TCF7L2: variants seen among roughly 807,000 people sequenced by gnomAD.
TCF7L2 encodes the protein transcription factor 7 like 2, also known as transcription factor 7-like 2.
Under a neutral mutation model 77.9 loss-of-function variants are expected in TCF7L2, and 23 were observed. The ratio of observed to expected loss-of-function variants is 0.30; its 90% CI spans 0.21 to 0.42. The LOEUF is 0.42. Ranked by LOEUF, TCF7L2 falls within the 10% of genes least tolerant of loss-of-function variation. The probability of loss-of-function intolerance (pLI) is 1.00; values close to 1 mark genes in which losing one functional copy is unlikely to be tolerated. For synonymous variants in TCF7L2, 413 were observed against 340.2 expected (o/e 1.21, Z -2.36); for missense variants, 654 against 793.1 (o/e 0.82, Z 2.11).
intron 3 of TCF7L2, among the ~76,000 whole-genome samples, chr10:112,953,464 C>T (rs763422353): frequency 6.6e-6 from 1 of 152,150 alleles, no homozygotes; most frequent in Non-Finnish European, 1.5e-5. Context: ...TGTTCGCCTA[C>T]CAATAAACCG....
intron 4 of TCF7L2, among the ~76,000 whole-genome samples, chr10:112,965,331 G>A (rs1212877491): frequency 1.3e-5 from 2 of 152,170 alleles, no homozygotes; most frequent in Admixed American, 1.3e-4. Context: ...GAGCTGAACT[G>A]ATGCCAGCAG....
intron 3 of TCF7L2, among the ~76,000 whole-genome samples, chr10:112,957,237 G>T (rs1401284037): frequency 5.0e-5 from 2 of 39,932 alleles, no homozygotes; most frequent in African/African-American, 9.5e-5. Flanking sequence ...TGCCTATATT[G>T]TGCATTTTCC....
At chr10:113,160,859 C>T (rs1032393124) in intron 13 of TCF7L2, among the ~76,000 whole-genome samples, 1 of 152,222 alleles carries the variant, frequency 6.6e-6, no homozygotes, top group Non-Finnish European at 1.5e-5. Context: ...GCCATTTCCT[C>T]TCCCCACTTT....
At chr10:113,043,249 G>A (rs1025649588) in intron 5 of TCF7L2, among the ~76,000 whole-genome samples, 1 of 152,202 alleles carries the variant, frequency 6.6e-6, no homozygotes, top group Non-Finnish European at 1.5e-5. Context: ...GAATCTTCAC[G>A]TGGGAATTCA....
intron 4 of TCF7L2, among the ~76,000 whole-genome samples, chr10:113,003,454 G>T (rs1166835115): frequency 6.6e-6 from 1 of 152,120 alleles, no homozygotes; most frequent in African/African-American, 2.4e-5. Flanking sequence ...GTTGGGCTTG[G>T]ATCCCTCCCA....
chr10:113,115,531 A>T (rs1169769881), intron 5 of TCF7L2, among the ~76,000 whole-genome samples: 4 of 151,870 alleles, frequency 2.6e-5, no homozygotes, highest in South Asian at 2.1e-4. Context: ...GGTTATTCTA[A>T]TTTTTTTTCC....
intron 5 of TCF7L2, among the ~76,000 whole-genome samples, chr10:113,093,780 A>G (rs1433472704): frequency 1.3e-5 from 2 of 152,258 alleles, no homozygotes; most frequent in African/African-American, 4.8e-5. Context: ...TAGTGACAAT[A>G]ATAGGGTGTG....
At chr10:113,148,390 G>T (rs921698694) in intron 8 of TCF7L2, among the ~76,000 whole-genome samples, 1 of 152,156 alleles carries the variant, frequency 6.6e-6, no homozygotes, top group Non-Finnish European at 1.5e-5. Flanking sequence ...AATAAGGCAG[G>T]AAGAGATGAA....
intron 13 of TCF7L2, among the ~76,000 whole-genome samples, chr10:113,165,013 C>T (rs541589369): frequency 3.3e-5 from 5 of 152,132 alleles, no homozygotes; most frequent in Admixed American, 6.5e-5. Flanking sequence ...TGATACGAGG[C>T]GGCTGGGGAA....
intron 3 of TCF7L2, among the ~76,000 whole-genome samples, chr10:112,962,095 A>G (rs1307980983): frequency 6.6e-5 from 10 of 152,176 alleles, no homozygotes. Context: ...TGAAAATTGA[A>G]TTTGGATTAA....
At chr10:112,992,106 A>G (rs747849334) in intron 4 of TCF7L2, among the ~76,000 whole-genome samples, 1 of 152,166 alleles carries the variant, frequency 6.6e-6, no homozygotes, top group Non-Finnish European at 1.5e-5. Flanking sequence ...GGCAGGATGC[A>G]GACTCCAGGC....
rs1381932745 is a variant in TCF7L2, at chr10:113,150,979, A to C, written c.876-19A>C. On this transcript the variant is annotated intron_variant, in intron 8 of 13. Coordinates refer to ENST00000627217, the MANE Select transcript of TCF7L2 (RefSeq NM_001146274.2). ...ATTCATTTTGATTCTGACGATTTAC[A>C]CAGCTTTCTGTCTTCTAGGTTCCCT... 5 of 1,613,250 alleles carry C rather than the reference A, an allele frequency of 3.1e-6. No homozygotes were observed. The highest frequency in any genetic ancestry group is 3.4e-6 in the Non-Finnish European group (4 of 1,179,850).
intron 5 of TCF7L2, among the ~76,000 whole-genome samples, chr10:113,052,865 T>C (rs2054701912): frequency 6.6e-6 from 1 of 152,248 alleles, no homozygotes; most frequent in African/African-American, 2.4e-5. Flanking sequence ...CATTGCATGA[T>C]ACAAAAATCA....
At chr10:112,959,270 C>T (rs1169475771) in intron 3 of TCF7L2, among the ~76,000 whole-genome samples, 1 of 152,158 alleles carries the variant, frequency 6.6e-6, no homozygotes, top group Admixed American at 6.6e-5. Flanking sequence ...GCGACTTTTT[C>T]CCCTTTTTTT....
chr10:113,128,375 C>T (rs200646691), intron 5 of TCF7L2, among the ~76,000 whole-genome samples: 9 of 151,982 alleles, frequency 5.9e-5, no homozygotes, highest in East Asian at 1.9e-4. Context: ...TGGTGGGGAG[C>T]GGCGAGGGTG....
At chr10:113,123,424 A>T (rs2065096931) in intron 5 of TCF7L2, among the ~76,000 whole-genome samples, 1 of 152,178 alleles carries the variant, frequency 6.6e-6, no homozygotes. Context: ...AAAAATCTTT[A>T]GTCGGATACA....
chr10:112,984,720 C>T (rs1210465613), intron 4 of TCF7L2, among the ~76,000 whole-genome samples: 1 of 152,098 alleles, frequency 6.6e-6, no homozygotes, highest in African/African-American at 2.4e-5. Context: ...AAGTTAGGGG[C>T]CCAGGAGCTC....
At chr10:112,964,817 G>GC (rs2036319029) in intron 4 of TCF7L2, among the ~76,000 whole-genome samples, 193 bp downstream of exon 4, 1 of 147,012 alleles carries the variant, frequency 6.8e-6, no homozygotes, top group Admixed American at 6.8e-5. Context: ...GGTGGTGGGG[G>GC]GGGGTTGAAT....
At chr10:113,031,754 G>T (rs754113438) in intron 4 of TCF7L2, among the ~76,000 whole-genome samples, 1 of 152,138 alleles carries the variant, frequency 6.6e-6, no homozygotes, top group African/African-American at 2.4e-5. Context: ...CTCTTAAAGT[G>T]CTGGGATTAC....
Sources: gnomAD v4.1 joint callset for allele counts (sites outside exome capture counted in the v4.1 genomes callset) on GRCh38, gnomAD v4.1.1 for gene constraint, MANE v1.5 for transcripts, NCBI Gene and HGNC (gene_info 2026-07-23, HGNC 2026-07-21) for gene names.